EIF4G3: variants seen among roughly 807,000 people sequenced by gnomAD.
EIF4G3 encodes eIF-4-gamma 3.
Under a neutral mutation model 186.4 loss-of-function variants are expected in EIF4G3, and 34 were observed. That is an observed-to-expected ratio of 0.18 (90% CI 0.14 to 0.24). EIF4G3 has a LOEUF of 0.24. EIF4G3 is among the 10% of genes least tolerant of loss of function. The pLI, the probability that EIF4G3 is intolerant of heterozygous loss-of-function variation, is 1.00. For synonymous variants in EIF4G3, 673 were observed against 679.5 expected (o/e 0.99, Z 0.15); for missense variants, 1,536 against 1,948.5 (o/e 0.79, Z 3.99).
At chr1:20,831,369 A>G (rs2065126723) in intron 30 of EIF4G3, among the ~76,000 whole-genome samples, 1 of 147,130 alleles carries the variant, frequency 6.8e-6, no homozygotes, top group African/African-American at 2.5e-5. Flanking sequence ...TTTTTCCTGT[A>G]GTACCTTAGA....
At chr1:20,947,383 G>GA (rs944055275) in intron 13 of EIF4G3, among the ~76,000 whole-genome samples, 9 of 146,784 alleles carry the variant, frequency 6.1e-5, no homozygotes, top group Non-Finnish European at 9.0e-5. Context: ...TCAGTGTAAA[G>GA]AAAAAAAACC....
chr1:21,018,381 A>T (rs1571080305), intron 4 of EIF4G3, among the ~76,000 whole-genome samples: 2 of 151,982 alleles, frequency 1.3e-5, no homozygotes, highest in South Asian at 4.2e-4. Flanking sequence ...GTAGTTCAAG[A>T]CCAGCCTGGC....
chr1:21,141,211 T>C (rs548129924), intron 2 of EIF4G3, among the ~76,000 whole-genome samples: 105 of 152,180 alleles, frequency 6.9e-4, no homozygotes, highest in Non-Finnish European at 3.2e-4. Flanking sequence ...CGAAGAGGTG[T>C]CAACCAACTC....
At chr1:21,004,925 A>T (rs1049621545) in intron 4 of EIF4G3, among the ~76,000 whole-genome samples, 2 of 152,158 alleles carry the variant, frequency 1.3e-5, no homozygotes, top group African/African-American at 4.8e-5. Flanking sequence ...TCAACATCAG[A>T]TTGATTTCCT....
chr1:21,169,778 T>G (rs920032984), intron 2 of EIF4G3: 1 of 152,176 alleles, frequency 6.6e-6, no homozygotes, highest in Non-Finnish European at 1.5e-5. Flanking sequence ...GCAAAATAAT[T>G]TGAGGGCAGC....
intron 12 of EIF4G3, among the ~76,000 whole-genome samples, chr1:20,956,114 A>T (rs2096408351): frequency 1.3e-5 from 2 of 152,210 alleles, no homozygotes; most frequent in African/African-American, 2.4e-5. Flanking sequence ...GAATTACAGG[A>T]TGTAAGGACT....
At chr1:21,010,434 AAAAGAAAAAGAAAAAG>A (rs1465218387) in intron 4 of EIF4G3, among the ~76,000 whole-genome samples, 3,254 of 149,342 alleles carry the variant, frequency 0.022, 44 homozygotes, top group Non-Finnish European at 0.031. Flanking sequence ...AAAAAAAAAA[AAAAGAAAAAGAAAAAG>A]AAAGAAAAAG....
At chr1:20,969,622 T>G (rs763875885) in intron 11 of EIF4G3, 26 bp from the exon 12 acceptor site, 1 of 1,608,662 alleles carries the variant, frequency 6.2e-7, no homozygotes, top group African/African-American at 1.3e-5. Flanking sequence ...AAATGACATA[T>G]GTACAGATGA....
intron 12 of EIF4G3, among the ~76,000 whole-genome samples, chr1:20,960,954 C>T (rs1042845257): frequency 2.6e-5 from 4 of 152,206 alleles, no homozygotes; most frequent in East Asian, 3.8e-4. Context: ...ATAATTCATA[C>T]ACCCACAAAT....
intron 16 of EIF4G3, among the ~76,000 whole-genome samples, chr1:20,896,021 G>A (rs755635819): frequency 2.0e-5 from 3 of 152,196 alleles, no homozygotes; most frequent in African/African-American, 4.8e-5. Flanking sequence ...AGATCTGGAA[G>A]TAGAAGACAG....
chr1:20,911,017 C>T (rs2093106615), intron 14 of EIF4G3, among the ~76,000 whole-genome samples: 1 of 152,140 alleles, frequency 6.6e-6, no homozygotes, highest in Non-Finnish European at 1.5e-5. Flanking sequence ...GATTTTCATT[C>T]ACTATTTCAA....
intron 23 of EIF4G3, among the ~76,000 whole-genome samples, chr1:20,861,412 AC>A (rs1410605021): frequency 6.6e-6 from 1 of 152,190 alleles, no homozygotes; most frequent in Admixed American, 6.5e-5. Context: ...AACAAAAAAA[AC>A]CCAGCAGCAG....
chr1:20,992,674 A>G (rs1284135353), intron 7 of EIF4G3, among the ~76,000 whole-genome samples: 2 of 152,198 alleles, frequency 1.3e-5, no homozygotes, highest in Non-Finnish European at 2.9e-5. Context: ...CATATATCAA[A>G]AAACTGCACA....
At chr1:20,954,471 G>A (rs1160081364) in intron 12 of EIF4G3, among the ~76,000 whole-genome samples, 1 of 148,116 alleles carries the variant, frequency 6.8e-6, no homozygotes, top group African/African-American at 2.5e-5. Flanking sequence ...GGGGGGTGGA[G>A]GTTGCAGTGA....
chr1:20,985,111 A>T (rs954872016), intron 7 of EIF4G3, among the ~76,000 whole-genome samples: 1 of 152,226 alleles, frequency 6.6e-6, no homozygotes, highest in Admixed American at 6.5e-5. Flanking sequence ...CACATAAACC[A>T]GCAGAAATCT....
At chr1:20,831,100 T>C (rs1037946969) in intron 30 of EIF4G3, among the ~76,000 whole-genome samples, 3 of 152,284 alleles carry the variant, frequency 2.0e-5, no homozygotes, top group African/African-American at 7.2e-5. Flanking sequence ...GGCTTTTCTT[T>C]GGGTGGAAGG....
At chr1:21,065,564 G>C (rs943699937) in intron 3 of EIF4G3, among the ~76,000 whole-genome samples, 1 of 151,640 alleles carries the variant, frequency 6.6e-6, no homozygotes, top group Non-Finnish European at 1.5e-5. Context: ...AAAAAACAGT[G>C]GTGGGGCGGC....
intron 14 of EIF4G3, among the ~76,000 whole-genome samples, chr1:20,936,383 T>G (rs1357141157): frequency 6.6e-6 from 1 of 152,180 alleles, no homozygotes; most frequent in Non-Finnish European, 1.5e-5. Flanking sequence ...CTGCTTGTTT[T>G]GGTAGATGAC....
At chr1:21,101,562 G>GGAAAAAAAAAAAA (rs1553241664) in intron 2 of EIF4G3, among the ~76,000 whole-genome samples, 2 of 35,372 alleles carry the variant, frequency 5.7e-5, no homozygotes, top group African/African-American at 8.6e-5. Flanking sequence ...AGGGTCTCAG[G>GGAAAAAAAAAAAA]AAAAAAAAAA....
Sources: allele counts gnomAD v4.1 joint callset (sites outside exome capture counted in the v4.1 genomes callset), GRCh38; gene constraint gnomAD v4.1.1; transcripts MANE v1.5; gene names NCBI Gene and HGNC (gene_info 2026-07-23, HGNC 2026-07-21).